Variants in MYRIP observed in about 807,000 individuals in gnomAD.
MYRIP encodes myosin VIIA and Rab interacting protein.
Under a neutral mutation model 98.0 loss-of-function variants are expected in MYRIP, and 49 were observed. That is an observed-to-expected ratio of 0.50 (90% CI 0.40 to 0.63). The LOEUF is 0.63. Among genes scored for constraint, MYRIP ranks in the 30% least tolerant of loss-of-function variants. MYRIP has a pLI of 0.00. For missense variants in MYRIP, 1,004 were observed against 1,058.2 expected, an observed-to-expected ratio of 0.95 and a Z score of 0.71; for synonymous variants, 404 against 409.5, an observed-to-expected ratio of 0.99 and a Z score of 0.16.
chr3:39,919,136 G>C (rs544169866), intron 2 of MYRIP, among the ~76,000 whole-genome samples: 1 of 152,252 alleles, frequency 6.6e-6, no homozygotes, highest in Admixed American at 6.5e-5. Flanking sequence ...TTTTCTTCAC[G>C]TGCGAGAAAT....
At position 40,084,771 on chromosome 3, in the gene MYRIP, A is replaced by AT. The variant is rs376746956; in HGVS notation, c.332+40500_332+40501insT. Reference sequence around the variant, plus strand: ...ATCTATGTGTTACATGTCGATAGATAATATATATGTGTTACATGTCGATAG... The same window carrying AT: ...ATCTATGTGTTACATGTCGATAGATATATATATATGTGTTACATGTCGATAG... On this transcript the variant is annotated intron_variant, in intron 3 of 16. Transcript: ENST00000302541. Among the ~76,000 whole-genome samples the AT allele has an allele frequency of 6.2e-5, 3 of 48,468 alleles. 1 individual carries two copies. The highest frequency in any genetic ancestry group is 1.0e-4 in the Non-Finnish European group (2 of 19,594). The allele number at this position is 48,468 out of a possible 152,430, so 31.8% of individuals were successfully genotyped here.
chr3:40,169,377 T>C (rs1409550876), intron 7 of MYRIP, among the ~76,000 whole-genome samples: 2 of 152,198 alleles, frequency 1.3e-5, no homozygotes, highest in African/African-American at 4.8e-5. Context: ...TATAGGAAGT[T>C]GAAAGCCCAG....
intron 2 of MYRIP, among the ~76,000 whole-genome samples, chr3:39,993,748 A>G (rs1485995947): frequency 1.3e-5 from 2 of 152,218 alleles, no homozygotes; most frequent in African/African-American, 4.8e-5. Flanking sequence ...GCAGATAACT[A>G]GATGTTACAA....
intron 3 of MYRIP, among the ~76,000 whole-genome samples, chr3:40,121,728 A>G (rs1328154813): frequency 6.6e-6 from 1 of 152,198 alleles, no homozygotes; most frequent in Non-Finnish European, 1.5e-5. Flanking sequence ...CGTACCAAAA[A>G]ACTCAGTAGT....
intron 2 of MYRIP, among the ~76,000 whole-genome samples, chr3:40,003,049 G>T (rs199777045): frequency 8.0e-6 from 1 of 124,614 alleles, no homozygotes; most frequent in Non-Finnish European, 1.8e-5. Flanking sequence ...TAGATATAGA[G>T]ACAGATATAA....
intron 3 of MYRIP, among the ~76,000 whole-genome samples, chr3:40,045,859 C>T (rs1947659302): frequency 6.6e-6 from 1 of 152,082 alleles, no homozygotes; most frequent in African/African-American, 2.4e-5. Context: ...TAAGGAAAAA[C>T]AGAAAGGGGC....
rs567100937 is a variant in MYRIP, at chr3:40,233,427, A to G, written c.1906-432A>G. On this transcript the variant is annotated intron_variant, in intron 11 of 16. Coordinates refer to ENST00000302541, the MANE Select transcript of MYRIP (RefSeq NM_015460.4). ...CAAGGTCCCATAACTGGGTGAATTT[A>G]GAGCCTGAACTGGAGCCCAGGTCTC... Among the ~76,000 whole-genome samples the G allele has an allele frequency of 1.2e-4, 19 of 152,346 alleles. 1 individual carries two copies. The South Asian group carries it at 3.7e-3, about 30-fold the overall frequency.
At chr3:40,060,822 A>G (rs1947997148) in intron 3 of MYRIP, among the ~76,000 whole-genome samples, 1 of 152,030 alleles carries the variant, frequency 6.6e-6, no homozygotes, top group Non-Finnish European at 1.5e-5. Context: ...CGAACTCCTG[A>G]TATCAGGCGA....
intron 2 of MYRIP, among the ~76,000 whole-genome samples, chr3:40,020,382 A>G (rs1233256540): frequency 6.6e-6 from 1 of 152,236 alleles, no homozygotes; most frequent in Non-Finnish European, 1.5e-5. Flanking sequence ...ATTTCTAGAA[A>G]TAGAATTCAT....
intron 2 of MYRIP, among the ~76,000 whole-genome samples, chr3:40,028,507 A>G (rs1293971055): frequency 2.0e-5 from 3 of 152,208 alleles, no homozygotes; most frequent in East Asian, 3.9e-4. Flanking sequence ...TCCAATGGAA[A>G]GACTAGTATT....
chr3:40,130,701 C>T (rs1575561746), intron 3 of MYRIP, among the ~76,000 whole-genome samples: 1 of 151,784 alleles, frequency 6.6e-6, no homozygotes, highest in East Asian at 1.9e-4. Context: ...TTTCTACCCT[C>T]CTAAGAATAT....
chr3:39,902,637 A>G (rs1186937028), intron 2 of MYRIP, among the ~76,000 whole-genome samples: 2 of 152,164 alleles, frequency 1.3e-5, no homozygotes, highest in Non-Finnish European at 2.9e-5. Context: ...CCACCTTAAT[A>G]TTTCCTTTAA....
At chr3:40,118,895 C>A (rs1949339225) in intron 3 of MYRIP, among the ~76,000 whole-genome samples, 3 of 151,940 alleles carry the variant, frequency 2.0e-5, no homozygotes, top group Admixed American at 2.0e-4. Flanking sequence ...CATGTCCCTA[C>A]AAAGGACATG....
chr3:39,954,380 G>A (rs550523355), intron 2 of MYRIP, among the ~76,000 whole-genome samples: 4 of 152,214 alleles, frequency 2.6e-5, no homozygotes, highest in Non-Finnish European at 5.9e-5. Flanking sequence ...TGTAGCCTCC[G>A]CTGGGGTGAT....
intron 3 of MYRIP, among the ~76,000 whole-genome samples, chr3:40,099,223 A>G (rs1380236103): frequency 6.6e-6 from 1 of 152,196 alleles, no homozygotes; most frequent in African/African-American, 2.4e-5. Context: ...TTACAAAAAA[A>G]TGTGTTTCTT....
intron 1 of MYRIP, among the ~76,000 whole-genome samples, chr3:39,872,768 T>C (rs1942844218): frequency 6.6e-6 from 1 of 152,178 alleles, no homozygotes; most frequent in Non-Finnish European, 1.5e-5. Flanking sequence ...TCCAAGTCTT[T>C]GCTATTGTGA....
At chr3:40,131,906 C>T (rs554986443) in intron 3 of MYRIP, among the ~76,000 whole-genome samples, 4 of 152,012 alleles carry the variant, frequency 2.6e-5, no homozygotes, top group African/African-American at 7.2e-5. Flanking sequence ...AGCTTCTCTT[C>T]ATCTTCTTCT....
chr3:39,951,511 T>C (rs1945015191), intron 2 of MYRIP, among the ~76,000 whole-genome samples: 1 of 152,132 alleles, frequency 6.6e-6, no homozygotes, highest in African/African-American at 2.4e-5. Context: ...AAGCTCTCTG[T>C]TGGAAGTACT....
chr3:40,258,266 G>A lies in MYRIP; in HGVS notation c.*100G>A. The A allele has an allele frequency of 6.9e-7, 1 of 1,453,396 alleles. No individual in the cohort carries two copies. 90.0% of individuals were successfully genotyped at this position (1,453,396 alleles called of 1,614,324 possible). On this transcript the variant is annotated 3_prime_UTR_variant, in exon 17 of 17. Coordinates refer to ENST00000302541, the MANE Select transcript of MYRIP (RefSeq NM_015460.4). Reference sequence around the variant, plus strand: ...AGTACTGTATGTATTTCCACCTGAGGAGAAGGCCTGGGGAGGCCACAGTGC... The same window carrying A: ...AGTACTGTATGTATTTCCACCTGAGAAGAAGGCCTGGGGAGGCCACAGTGC...
Sources: allele counts gnomAD v4.1 joint callset (sites outside exome capture counted in the v4.1 genomes callset), GRCh38; gene constraint gnomAD v4.1.1; transcripts MANE v1.5; gene names NCBI Gene and HGNC (gene_info 2026-07-23, HGNC 2026-07-21).